GABRA3: variants seen among roughly 807,000 people sequenced by gnomAD.
GABRA3 encodes gamma-aminobutyric acid receptor subunit alpha-3.
A neutral mutation model predicts 30.1 loss-of-function variants in GABRA3; 10 were observed. The observed-to-expected ratio is 0.33, with a 90% CI of 0.20 to 0.56. The LOEUF (loss-of-function observed/expected upper bound fraction) is 0.56. Among genes scored for constraint, GABRA3 ranks in the 20% least tolerant of loss-of-function variants. The pLI, the probability that GABRA3 is intolerant of heterozygous loss-of-function variation, is 0.89. For synonymous variants in GABRA3, 151 were observed against 146.8 expected (o/e 1.03, Z -0.21); for missense variants, 233 against 392.0 (o/e 0.59, Z 3.42).
chrX:152,381,499 C>T (rs1929142981), intron 1 of GABRA3, among the ~76,000 whole-genome samples: 1 of 111,439 alleles, frequency 9.0e-6, no homozygotes, highest in African/African-American at 3.3e-5. Context: ...TTCTCTCATT[C>T]ACGGGGTTGT....
chrX:152,180,337 T>C (rs1362928757), intron 9 of GABRA3, among the ~76,000 whole-genome samples: 2 of 112,473 alleles, frequency 1.8e-5, no homozygotes, highest in African/African-American at 6.5e-5. Flanking sequence ...ATTATCTAGC[T>C]GTATGTCTTC....
intron 4 of GABRA3, among the ~76,000 whole-genome samples, chrX:152,278,323 T>C (rs1020081458): frequency 2.7e-4 from 28 of 102,809 alleles, no homozygotes; most frequent in African/African-American, 7.8e-4. Context: ...TGTGTTCTCA[T>C]TGTTCAATTC....
At chrX:152,387,638 G>C (rs1929360058) in intron 1 of GABRA3, among the ~76,000 whole-genome samples, 1 of 111,610 alleles carries the variant, frequency 9.0e-6, no homozygotes, top group Admixed American at 9.6e-5. Flanking sequence ...CCTATGCACA[G>C]TTGAATAATA....
intron 1 of GABRA3, among the ~76,000 whole-genome samples, chrX:152,444,053 AT>A (rs751491992): frequency 1.7e-4 from 18 of 108,614 alleles, no homozygotes; most frequent in South Asian, 4.0e-4. Context: ...TTTAGAGGTG[AT>A]TTTTTTTTTA....
chrX:152,223,761 G>A (rs771094611), intron 6 of GABRA3, among the ~76,000 whole-genome samples: 34 of 109,716 alleles, frequency 3.1e-4, no homozygotes, highest in Middle Eastern at 4.7e-3. Context: ...AATTTCAGTG[G>A]TAACACAAAT....
intron 8 of GABRA3, among the ~76,000 whole-genome samples, chrX:152,195,144 A>G (rs923029106): frequency 1.8e-5 from 2 of 112,039 alleles, no homozygotes; most frequent in African/African-American, 6.5e-5. Context: ...CATTTTTTAT[A>G]TAAACATTTT....
At chrX:152,412,473 TATGTGGCAACTATATA>T (rs1254942412) in intron 1 of GABRA3, among the ~76,000 whole-genome samples, 1 of 112,112 alleles carries the variant, frequency 8.9e-6, no homozygotes, top group African/African-American at 3.2e-5. Context: ...ACATTGTGAG[TATGTGGCAACTATATA>T]ATGTGGCAAC....
At chrX:152,373,767 T>TC (rs887271861) in intron 1 of GABRA3, among the ~76,000 whole-genome samples, 2 of 109,883 alleles carry the variant, frequency 1.8e-5, no homozygotes, top group Non-Finnish European at 3.8e-5. Flanking sequence ...CCCAATGCTA[T>TC]CCCTCCCCCA....
chrX:152,297,479 A>G (rs1939551115), intron 3 of GABRA3, among the ~76,000 whole-genome samples: 1 of 111,687 alleles, frequency 9.0e-6, no homozygotes, highest in Admixed American at 9.6e-5. Flanking sequence ...CACTCGTTCT[A>G]GATTTTCCCT....
chrX:152,391,597 G>A (rs953634184), intron 1 of GABRA3, among the ~76,000 whole-genome samples: 3 of 111,336 alleles, frequency 2.7e-5, no homozygotes, highest in East Asian at 5.6e-4. Context: ...ACACTGAAAG[G>A]TGAGCTATCA....
chrX:152,436,948 ATTATAT>A (rs1930791659), intron 1 of GABRA3, among the ~76,000 whole-genome samples: 1 of 111,608 alleles, frequency 9.0e-6, no homozygotes, highest in Non-Finnish European at 1.9e-5. Flanking sequence ...AAGAATTTGT[ATTATAT>A]TTAATATTAT....
At chrX:152,319,533 G>C (rs759201432) in intron 3 of GABRA3, among the ~76,000 whole-genome samples, 82 of 111,915 alleles carry the variant, frequency 7.3e-4, no homozygotes, top group African/African-American at 2.5e-3. Flanking sequence ...ACATGTAGGA[G>C]AATGAAACTC....
chrX:152,264,565 GAAGGGAAGAAAA>G (rs1228691587), intron 4 of GABRA3, among the ~76,000 whole-genome samples: 1 of 110,746 alleles, frequency 9.0e-6, no homozygotes, highest in African/African-American at 3.3e-5. Context: ...ACAATCACAA[GAAGGGAAGAAAA>G]AAGGAAGAAA....
At chrX:152,256,849 G>A (rs770268473) in intron 4 of GABRA3, among the ~76,000 whole-genome samples, 5 of 111,833 alleles carry the variant, frequency 4.5e-5, no homozygotes, top group Non-Finnish European at 7.5e-5. Flanking sequence ...GATTAGAATT[G>A]TGAGTTTGTG....
intron 5 of GABRA3, among the ~76,000 whole-genome samples, chrX:152,240,723 T>G (rs1320123139): frequency 9.9e-6 from 1 of 100,890 alleles, no homozygotes; most frequent in Non-Finnish European, 1.9e-5. Flanking sequence ...TAAACTTCCC[T>G]TCTCGCTTCA....
intron 6 of GABRA3, among the ~76,000 whole-genome samples, chrX:152,218,901 G>C (rs1937777957): frequency 9.0e-6 from 1 of 111,093 alleles, no homozygotes; most frequent in Non-Finnish European, 1.9e-5. Flanking sequence ...TGGAGGAGTG[G>C]ATTTTCAGAA....
intron 1 of GABRA3, among the ~76,000 whole-genome samples, chrX:152,399,931 TCAGA>T (rs1363467274): frequency 9.0e-6 from 1 of 110,979 alleles, no homozygotes; most frequent in African/African-American, 3.3e-5. Flanking sequence ...AAAGACATCA[TCAGA>T]CAGACAAACA....
chrX:152,224,297 G>A (rs1214024214), intron 6 of GABRA3, among the ~76,000 whole-genome samples: 1 of 111,933 alleles, frequency 8.9e-6, no homozygotes, highest in East Asian at 2.8e-4. Context: ...TTTCAAAAGT[G>A]AGCAAATCTT....
At chrX:152,275,577 G>A (rs1481274622) in intron 4 of GABRA3, among the ~76,000 whole-genome samples, 2 of 104,429 alleles carry the variant, frequency 1.9e-5, no homozygotes. Context: ...TGGCCAACAT[G>A]GTGAAACCCT....
Sources: allele counts gnomAD v4.1 joint callset (sites outside exome capture counted in the v4.1 genomes callset), GRCh38; gene constraint gnomAD v4.1.1; transcripts MANE v1.5; gene names NCBI Gene and HGNC (gene_info 2026-07-23, HGNC 2026-07-21).